FLT4: variants seen among roughly 807,000 people sequenced by gnomAD.
The protein encoded by FLT4 is fms related receptor tyrosine kinase 4.
In FLT4, 30 loss-of-function variants were observed where a neutral mutation model predicts 163.2. That is an observed-to-expected ratio of 0.18 (90% CI 0.14 to 0.25). The LOEUF (loss-of-function observed/expected upper bound fraction) is 0.25. Among genes scored for constraint, FLT4 ranks in the 10% least tolerant of loss-of-function variants. FLT4 has a pLI of 1.00. For synonymous variants in FLT4, 884 were observed against 789.5 expected, an observed-to-expected ratio of 1.12 and a Z score of -2.01; for missense variants, 1,510 against 1,863.8, an observed-to-expected ratio of 0.81 and a Z score of 3.50.
chr5:180,630,614 T>C lies in FLT4; in HGVS notation c.341A>G (p.Lys114Arg), dbSNP rs1190339297. Residue 114 changes from lysine to arginine, a missense_variant, in exon 3 of 30, where the codon AAG (lysine) becomes AGG (arginine). By Grantham distance (26) the Lys-to-Arg change is conservative (BLOSUM62 2). Coordinates refer to ENST00000261937, the MANE Select transcript of FLT4 (RefSeq NM_182925.5). The surrounding 1 kb of genome is among the most constrained non-coding windows in gnomAD (Gnocchi z 6.3). The stretch of plus-strand genomic sequence containing the variant: ...GCCCTCGATGCGTGCCTTGATGTAC[T>C]TGTAGTAGCAGACGTAGCTGCCTGT... Reference protein sequence around the residue: ...NDTGSYVCYYKYIKARIEGTT... With the variant: ...NDTGSYVCYYRYIKARIEGTT... The C allele has an allele frequency of 4.3e-6, 7 of 1,613,092 alleles. No individual in the cohort carries two copies. Among genetic ancestry groups the C allele is most frequent in the Admixed American group, 1.7e-5 (1 of 60,020 alleles).
rs927023546 is a variant in FLT4, at chr5:180,602,975, C to A, written c.*217G>T. ...TGAATCTCAGGGGGAGGGGCCGGGG[C>A]AGCTGGAGCGTGGCCCTGGCCAGTC... On this transcript the variant is annotated 3_prime_UTR_variant, in exon 30 of 30. Coordinates refer to ENST00000261937, the MANE Select transcript of FLT4 (RefSeq NM_182925.5). 8 of 604,024 alleles carry A rather than the reference C, an allele frequency of 1.3e-5. No homozygotes were observed. Among genetic ancestry groups the A allele is most frequent in the African/African-American group, 1.3e-4 (7 of 54,008 alleles). 37.4% of individuals were successfully genotyped at this position (604,024 alleles called of 1,614,324 possible).
chr5:180,602,722 C>G lies in FLT4; in HGVS notation c.*470G>C, dbSNP rs1017739526. ...GGGGTGGGTGAGGCCAGCCAGCCCT[C>G]GTGGGGAGAGTAGCTGTGTGCCTGA... is the stretch of plus-strand genomic sequence containing the variant. On this transcript the variant is annotated 3_prime_UTR_variant, in exon 30 of 30. Coordinates refer to ENST00000261937, the MANE Select transcript of FLT4 (RefSeq NM_182925.5). The G allele has an allele frequency of 2.2e-6, 1 of 452,856 alleles. No homozygotes were observed. The highest frequency in any genetic ancestry group is 3.9e-6 in the Non-Finnish European group (1 of 258,680). 28.1% of individuals were successfully genotyped at this position (452,856 alleles called of 1,614,324 possible).
chr5:180,649,665 G>T, upstream of FLT4: 1 of 336,442 alleles, frequency 3.0e-6, no homozygotes, highest in Non-Finnish European at 4.5e-6. Context: ...GGCGGGCCCG[G>T]GATTCAGGCC....
At chr5:180,629,074 C>G in intron 7 of FLT4, 75 bp from the exon 8 acceptor site, 3 of 1,477,728 alleles carry the variant, frequency 2.0e-6, no homozygotes, top group Non-Finnish European at 2.8e-6. Context: ...CCCCACGGCC[C>G]CTGCAGCCCC....
rs1012923156 is a variant in FLT4, at chr5:180,636,701, T to TC, written c.59-4924dup. The stretch of plus-strand genomic sequence containing the variant: ...TTCTGTGGGCGCATCCTGGACCTGG[T>TC]CATCACCAGAGACCGCGCCATCCCG... On this transcript the variant is annotated intron_variant, in intron 1 of 29. Transcript: ENST00000261937. This position sits in a 1 kb window ranked among gnomAD's most constrained non-coding sequence, Gnocchi z 4.3. Among the ~76,000 whole-genome samples the TC allele has an allele frequency of 6.6e-6, 1 of 151,964 alleles. No homozygotes were observed. Among genetic ancestry groups the TC allele is most frequent in the African/African-American group, 2.4e-5 (1 of 41,356 alleles).
intron 28 of FLT4, 55 bp from the exon 29 acceptor site, chr5:180,609,108 G>T: frequency 6.8e-7 from 1 of 1,474,932 alleles, no homozygotes; most frequent in Non-Finnish European, 9.5e-7. Flanking sequence ...CTCCTGCAGG[G>T]CAGCCACCCC....
In FLT4 at chr5:180,621,546, C is replaced by T. The variant is rs768937618; in HGVS notation, c.2016G>A (p.Val672=). The part of the protein sequence containing the change: ...DKHCHKKYLS[V]QALEAPRLTQ... ...CCTCCCCGCGGCCAGCCTCACCCTG[C>T]ACCGACAGGTACTTCTTGTGGCAGT... Residue 672 remains valine (V), a synonymous_variant, in exon 13 of 30, where the codon GTG becomes GTA. Coordinates refer to ENST00000261937, the MANE Select transcript of FLT4 (RefSeq NM_182925.5). 2 of 1,611,850 alleles carry T rather than the reference C, an allele frequency of 1.2e-6. No individual in the cohort carries two copies.
intron 8 of FLT4, 81 bp downstream of exon 8, chr5:180,628,801 T>C: frequency 1.0e-6 from 1 of 994,318 alleles, no homozygotes; most frequent in Non-Finnish European, 1.6e-6. Context: ...GGGAGGACGC[T>C]GCCCGTCTTC....
rs1414908313 is a variant in FLT4, at chr5:180,619,281, G to A, written c.2733C>T (p.Asn911=). 6.2e-7 allele frequency: 1 copy of A among 1,610,796 alleles called. No homozygotes were observed. Among genetic ancestry groups the A allele is most frequent in the South Asian group, 1.1e-5 (1 of 91,068 alleles). The change falls in exon 19 of 30, where the codon AAC becomes AAT. Residue 911 remains asparagine, a synonymous_variant. Transcript: ENST00000261937. The stretch of plus-strand genomic sequence containing the variant: ...GCGGCTTGGTGCACGCCCCGAGGAG[G>A]TTGACCACGTTGAGGTGGTTGCCGA... ...IHIGNHLNVV[N]LLGACTKPQG... is the part of the protein sequence containing the mutation.
rs1480947146 is a variant in FLT4 at position 180,601,884 on chromosome 5, G to C, written c.*1308C>G. 4 of 233,478 alleles carry C rather than the reference G, an allele frequency of 1.7e-5. No individual in the cohort carries two copies. The highest frequency in any genetic ancestry group is 3.4e-5 in the Non-Finnish European group (4 of 118,244). 14.5% of individuals were successfully genotyped at this position (233,478 alleles called of 1,614,324 possible). A position where few individuals can be genotyped will look rare whatever the true frequency, so the allele number is the denominator to read the frequency against. Reference sequence around the variant, plus strand: ...AGCCCCTGCCCGCTGCGCGGCGCCTGTCCTGCAAGCGTCTGGTGCGTGGGT... The same window carrying C: ...AGCCCCTGCCCGCTGCGCGGCGCCTCTCCTGCAAGCGTCTGGTGCGTGGGT... On this transcript the variant is annotated 3_prime_UTR_variant, in exon 30 of 30. Coordinates refer to ENST00000261937, the MANE Select transcript of FLT4 (RefSeq NM_182925.5).
chr5:180,620,883 G>C lies in FLT4; in HGVS notation c.2292C>G (p.Ala764=), dbSNP rs553850445. The change falls in exon 15 of 30, where the codon GCC becomes GCG. Residue 764 remains alanine, a synonymous_variant. Coordinates refer to ENST00000261937, the MANE Select transcript of FLT4 (RefSeq NM_182925.5). This position sits in a 1 kb window ranked among gnomAD's most constrained non-coding sequence, Gnocchi z 4.4. ...TGCAGCCTGAGGCCAGACCTTCCAC[G>C]GCCACGCTGGCGGAGGAGTTGACGC... ...KGCVNSSASV[A]VEGSEDKGSM... The C allele has an allele frequency of 6.2e-7, 1 of 1,609,676 alleles. No homozygotes were observed. The highest frequency in any genetic ancestry group is 8.5e-7 in the Non-Finnish European group (1 of 1,178,630).
chr5:180,648,684 C>T (rs1351959697), intron 1 of FLT4, among the ~76,000 whole-genome samples: 2 of 152,168 alleles, frequency 1.3e-5, no homozygotes, highest in Non-Finnish European at 2.9e-5. Flanking sequence ...TCTTTCCAAC[C>T]CCTCCGCCTC....
chr5:180,612,267 G>A, intron 26 of FLT4: 1 of 587,650 alleles, frequency 1.7e-6, no homozygotes, highest in South Asian at 2.0e-5. Flanking sequence ...CGCAGGGACA[G>A]GCTCTGACTA....
At position 180,623,879 on chromosome 5, in the gene FLT4, T is replaced by C; in HGVS notation, c.1548+56A>G. The C allele has an allele frequency of 6.2e-7, 1 of 1,607,064 alleles. No homozygotes were observed. Among genetic ancestry groups the C allele is most frequent in the Non-Finnish European group, 8.5e-7 (1 of 1,175,086 alleles). ...TGGAAACCACATGGCAGTAATGGCC[T>C]CTCTCTCCTCCCTTCTCCTTCTCCC... On this transcript the variant is annotated intron_variant, in intron 11 of 29. Transcript: ENST00000261937. The surrounding 1 kb of genome is among the most constrained non-coding windows in gnomAD (Gnocchi z 5.8).
At chr5:180,608,524 C>T (rs149545621) in intron 29 of FLT4, among the ~76,000 whole-genome samples, 44 of 152,278 alleles carry the variant, frequency 2.9e-4, no homozygotes, top group African/African-American at 9.4e-4. Context: ...TCTCCACACA[C>T]GGGGAGAACA....
intron 1 of FLT4, among the ~76,000 whole-genome samples, chr5:180,648,387 G>A (rs1440920056): frequency 6.6e-6 from 1 of 152,218 alleles, no homozygotes; most frequent in African/African-American, 2.4e-5. Context: ...CCTTGGGGAA[G>A]TGACACATGT....
intron 10 of FLT4, 83 bp downstream of exon 10, chr5:180,625,786 A>G: frequency 5.4e-6 from 7 of 1,296,760 alleles, no homozygotes; most frequent in Non-Finnish European, 6.6e-6. Context: ...CTGGGCAGTG[A>G]GGGGTGCTGT....
rs534501196 is a variant in FLT4 at position 180,632,228 on chromosome 5, C to T, written c.59-450G>A. On this transcript the variant is annotated intron_variant, in intron 1 of 29. Transcript: ENST00000261937. ...GGGTCCGCACATCCCAGGTCCTCCC[C>T]GAACCACGCAGGCCTCGCCCCCTCC... Among the ~76,000 whole-genome samples, 480 of 139,958 alleles carry T rather than the reference C, an allele frequency of 3.4e-3. 5 individuals are homozygous for T. Among genetic ancestry groups the T allele is most frequent in the Middle Eastern group, 0.011 (3 of 282 alleles). The allele number at this position is 139,958 out of a possible 152,430, so 91.8% of individuals were successfully genotyped here. A position where few individuals can be genotyped will look rare whatever the true frequency, so the allele number is the denominator to read the frequency against.
chr5:180,630,996 G>T lies in FLT4; in HGVS notation c.156-197C>A, dbSNP rs1359337935. On this transcript the variant is annotated intron_variant, in intron 2 of 29. Coordinates refer to ENST00000261937, the MANE Select transcript of FLT4 (RefSeq NM_182925.5). This position sits in a 1 kb window ranked among gnomAD's most constrained non-coding sequence, Gnocchi z 6.3. ...CCCGGGCCTCTACCAGGCTCCCGGG[G>T]CTGGCCTGTGGCCAAGCACAGGCCT... Among the ~76,000 whole-genome samples, 1 of 152,118 alleles carries T rather than the reference G, an allele frequency of 6.6e-6. No homozygotes were observed. The highest frequency in any genetic ancestry group is 1.9e-4 in the East Asian group (1 of 5,166).
Sources: gnomAD v4.1 joint callset for allele counts (sites outside exome capture counted in the v4.1 genomes callset) on GRCh38, gnomAD v4.1.1 for gene constraint, Gnocchi (gnomAD v3.1) non-coding constraint, MANE v1.5 for transcripts, NCBI Gene and HGNC (gene_info 2026-07-23, HGNC 2026-07-21) for gene names.